PRDM11: variants seen among roughly 807,000 people sequenced by gnomAD.
The protein encoded by PRDM11 is PR/SET domain 11.
Under a neutral mutation model 97.8 loss-of-function variants are expected in PRDM11, and 20 were observed. That is an observed-to-expected ratio of 0.20 (90% CI 0.14 to 0.30). PRDM11 has a LOEUF of 0.30. Ranked by LOEUF, PRDM11 falls within the 10% of genes least tolerant of loss-of-function variation. The pLI is 1.00. For synonymous variants in PRDM11, 599 were observed against 637.7 expected (o/e 0.94, Z 0.91); for missense variants, 1,139 against 1,555.2 (o/e 0.73, Z 4.50).
rs568732226 is a variant in PRDM11, at chr11:45,137,572, G to A, written c.96+41671G>A. 5.3e-5 allele frequency among the ~76,000 whole-genome samples: 8 copies of A among 152,228 alleles called. No homozygotes were observed. The East Asian group carries it at 1.4e-3, about 26-fold the overall frequency. Reference sequence around the variant, plus strand: ...TCCAGACCAACCTGGGCAACATGGCGAGACCTCCTCTCTACAAAAAATAAA... The same window carrying A: ...TCCAGACCAACCTGGGCAACATGGCAAGACCTCCTCTCTACAAAAAATAAA... On this transcript the variant is annotated intron_variant, in intron 1 of 6. Coordinates refer to the PRDM11 transcript ENST00000530656.
At chr11:45,143,747 A>G (rs939927539), upstream of PRDM11, among the ~76,000 whole-genome samples, 1 of 152,220 alleles carries the variant, frequency 6.6e-6, no homozygotes, top group African/African-American at 2.4e-5. Flanking sequence ...AAAAATAGTG[A>G]TGATGATATC....
rs926750649 is a variant in PRDM11 at position 45,224,739 on chromosome 11, G to T, written c.1265G>T (p.Arg422Leu). The change falls in exon 7 of 8, where the codon CGG becomes CTG. Residue 422 changes from arginine (R) to leucine (L), a missense_variant. By Grantham distance (102) the Arg-to-Leu change is moderately radical (BLOSUM62 -2). Coordinates refer to ENST00000683152, the MANE Select transcript of PRDM11 (RefSeq NM_001384648.1). Reference sequence around the variant, plus strand: ...TGTATTCGCCTAAAGAAGAAGGTTCGGGAGCTCCAGGCAGAATTAGACATG... The same window carrying T: ...TGTATTCGCCTAAAGAAGAAGGTTCTGGAGCTCCAGGCAGAATTAGACATG... ...PNCIRLKKKV[R>L]ELQAELDMLK... 6.2e-7 allele frequency: 1 copy of T among 1,614,014 alleles called. No individual in the cohort carries two copies. Among genetic ancestry groups the T allele is most frequent in the African/African-American group, 1.3e-5 (1 of 74,904 alleles).
At chr11:45,125,175 C>T (rs1457461349) in intron 1 of PRDM11, among the ~76,000 whole-genome samples, 3 of 151,900 alleles carry the variant, frequency 2.0e-5, no homozygotes, top group South Asian at 2.1e-4. Context: ...TCTGTGGGAT[C>T]GGTGGTGATA....
Position 45,109,107 on chromosome 11 carries a change from C to T in PRDM11, c.96+13206C>T, listed in dbSNP as rs1215038452. On this transcript the variant is annotated intron_variant, in intron 1 of 6. Transcript: ENST00000530656. ...TGGAAACCGAAAAATGTTGTCCCCG[C>T]CCCTCAGGAAAGGTTGAGTCTGACT... 3.3e-5 allele frequency among the ~76,000 whole-genome samples: 5 copies of T among 152,208 alleles called. No homozygotes were observed. In the South Asian group the frequency reaches 6.2e-4, roughly 19 times the overall value.
intron 4 of PRDM11, among the ~76,000 whole-genome samples, chr11:45,196,700 G>C (rs1486050675): frequency 2.6e-5 from 4 of 152,196 alleles, no homozygotes; most frequent in Non-Finnish European, 5.9e-5. Context: ...GGAGAGCAAG[G>C]CTGTGTGTGG....
At chr11:45,216,733 G>A (rs1360297781) in intron 5 of PRDM11, among the ~76,000 whole-genome samples, 1 of 152,174 alleles carries the variant, frequency 6.6e-6, no homozygotes, top group Non-Finnish European at 1.5e-5. Flanking sequence ...AATACTTTGT[G>A]ATTTATACAA....
chr11:45,126,845 G>T (rs1322375382), intron 1 of PRDM11, among the ~76,000 whole-genome samples: 1 of 152,168 alleles, frequency 6.6e-6, no homozygotes, highest in African/African-American at 2.4e-5. Flanking sequence ...GAGTATCTTT[G>T]TGGTGTTCTC....
chr11:45,103,143 A>T (rs1052143697), intron 1 of PRDM11, among the ~76,000 whole-genome samples: 3 of 152,138 alleles, frequency 2.0e-5, no homozygotes, highest in African/African-American at 7.2e-5. Context: ...TGCCTCTGCC[A>T]TGTCTACTGG....
intron 1 of PRDM11, among the ~76,000 whole-genome samples, chr11:45,110,773 G>C (rs1345249076): frequency 6.6e-6 from 1 of 152,146 alleles, no homozygotes; most frequent in African/African-American, 2.4e-5. Flanking sequence ...ATTTGTAAAG[G>C]TGTTACTTCA....
At chr11:45,178,506 T>G (rs1034610768) in intron 1 of PRDM11, among the ~76,000 whole-genome samples, 1 of 152,204 alleles carries the variant, frequency 6.6e-6, no homozygotes, top group African/African-American at 2.4e-5. Context: ...CTGCTCTGCC[T>G]GGCGGAGATC....
upstream of PRDM11, among the ~76,000 whole-genome samples, chr11:45,141,856 C>T (rs1348137093): frequency 6.6e-6 from 1 of 152,138 alleles, no homozygotes; most frequent in Admixed American, 6.5e-5. Context: ...GGTCATGGAC[C>T]AGTGCCTTAC....
chr11:45,138,688 C>T (rs1430977463), intron 1 of PRDM11, among the ~76,000 whole-genome samples: 2 of 152,150 alleles, frequency 1.3e-5, no homozygotes, highest in Non-Finnish European at 2.9e-5. Flanking sequence ...AGTCACATCC[C>T]TATGCTATAC....
intron 1 of PRDM11, among the ~76,000 whole-genome samples, chr11:45,106,672 G>A (rs1356416219): frequency 1.3e-5 from 2 of 152,192 alleles, no homozygotes; most frequent in Non-Finnish European, 2.9e-5. Flanking sequence ...GCAGGTCTGA[G>A]GCCGACACGG....
At chr11:45,213,838 C>T (rs1170702257) in intron 5 of PRDM11, 1 of 419,072 alleles carries the variant, frequency 2.4e-6, no homozygotes, top group Non-Finnish European at 4.9e-6. Context: ...TCGGTTTTCC[C>T]AGCTCCCCTG....
intron 2 of PRDM11, 134 bp from the exon 3 acceptor site, chr11:45,182,109 ACAG>A: frequency 2.5e-6 from 2 of 788,266 alleles, no homozygotes; most frequent in Non-Finnish European, 4.1e-6. Flanking sequence ...CCTGCACTGA[ACAG>A]CAGGCTGGCT....
intron 1 of PRDM11, among the ~76,000 whole-genome samples, chr11:45,103,692 T>A (rs1398584314): frequency 6.7e-6 from 1 of 149,248 alleles, no homozygotes; most frequent in African/African-American, 2.4e-5. Context: ...TTTGTGTACT[T>A]TACTGTATAT....
intron 1 of PRDM11, among the ~76,000 whole-genome samples, chr11:45,112,726 T>C (rs1387239418): frequency 1.3e-5 from 2 of 152,120 alleles, no homozygotes; most frequent in Admixed American, 1.3e-4. Context: ...TGTTGGCTCT[T>C]TGTATATATT....
intron 1 of PRDM11, among the ~76,000 whole-genome samples, chr11:45,102,441 C>T (rs1851993952): frequency 6.6e-6 from 1 of 152,196 alleles, no homozygotes; most frequent in Admixed American, 6.5e-5. Context: ...TAAAGTTCAG[C>T]CTTGCAGCAC....
At position 45,227,450 on chromosome 11, in the gene PRDM11, A is replaced by G. The variant is rs1329851430; in HGVS notation, c.2825A>G (p.Asn942Ser). The stretch of plus-strand genomic sequence containing the variant: ...GAGGAGAATTTCCGAGAGAGCTTCA[A>G]CGGGATCGCCATGAAGAACCTCAGG... ...EFEENFRESF[N>S]GIAMKNLRVA... The change falls in exon 8 of 8, where the codon AAC becomes AGC. Residue 942 changes from asparagine to serine, a missense_variant. This residue lies in a region of PRDM11 where 710 missense variants were observed against 1,044.9 expected (regional missense o/e 0.68). Coordinates refer to ENST00000683152, the MANE Select transcript of PRDM11 (RefSeq NM_001384648.1). The surrounding 1 kb of genome is among the most constrained non-coding windows in gnomAD (Gnocchi z 8.0). 1 of 1,533,852 alleles carries G rather than the reference A, an allele frequency of 6.5e-7. No individual in the cohort carries two copies. The highest frequency in any genetic ancestry group is 1.2e-5 in the South Asian group (1 of 83,970).
Sources: gnomAD v4.1 joint callset for allele counts (sites outside exome capture counted in the v4.1 genomes callset) on GRCh38, gnomAD v4.1.1 for gene constraint, gnomAD v4.1.1 regional missense constraint, Gnocchi (gnomAD v3.1) non-coding constraint, MANE v1.5 for transcripts, NCBI Gene and HGNC (gene_info 2026-07-23, HGNC 2026-07-21) for gene names.